TFAP2D: variants seen among roughly 807,000 people sequenced by gnomAD.
The protein encoded by TFAP2D is transcription factor AP-2-delta.
Under a neutral mutation model 43.6 loss-of-function variants are expected in TFAP2D, and 9 were observed. The observed-to-expected ratio is 0.21, with a 90% confidence interval of 0.12 to 0.36. The LOEUF (loss-of-function observed/expected upper bound fraction) is 0.36, where lower values mean the gene tolerates loss of function less well. Among genes scored for constraint, TFAP2D ranks in the 10% least tolerant of loss-of-function variants. The pLI is 1.00. For missense variants in TFAP2D, 513 were observed against 561.4 expected, an observed-to-expected ratio of 0.91 and a Z score of 0.87; for synonymous variants, 256 against 224.9, an observed-to-expected ratio of 1.14 and a Z score of -1.24.
At chr6:50,722,136 G>T (rs1313401741) in intron 3 of TFAP2D, among the ~76,000 whole-genome samples, 1 of 152,176 alleles carries the variant, frequency 6.6e-6, no homozygotes, top group African/African-American at 2.4e-5. Context: ...CAGCAGCTAG[G>T]TAATTACCAC....
Position 50,715,482 on chromosome 6 carries a change from T to C in TFAP2D, c.406T>C (p.Cys136Arg), listed in dbSNP as rs1429539152. The stretch of plus-strand genomic sequence containing the variant: ...GGACGAGCAGAGGCGGGAGCTGGGC[T>C]GCCTCGATGCCTACCGCCGCCATGA... ...CLDEQRRELG[C>R]LDAYRRHDLS... Residue 136 changes from cysteine to arginine, a missense_variant, in exon 2 of 8, where the codon TGC (cysteine) becomes CGC (arginine). Coordinates refer to ENST00000008391, the MANE Select transcript of TFAP2D (RefSeq NM_172238.4). The C allele has an allele frequency of 6.2e-7, 1 of 1,613,906 alleles. No individual in the cohort carries two copies. Among genetic ancestry groups the C allele is most frequent in the Admixed American group, 1.7e-5 (1 of 60,028 alleles).
chr6:50,750,777 A>C (rs769200179), intron 6 of TFAP2D, among the ~76,000 whole-genome samples: 58 of 152,184 alleles, frequency 3.8e-4, no homozygotes, highest in Non-Finnish European at 6.9e-4. Context: ...ATATTGGGAA[A>C]AAAGGATTTT....
chr6:50,714,598 T>C (rs78460443), intron 1 of TFAP2D, among the ~76,000 whole-genome samples: 4,067 of 152,218 alleles, frequency 0.027, 74 homozygotes, highest in Middle Eastern at 0.044. Flanking sequence ...TTTTAAAATA[T>C]ATGGACAATG....
chr6:50,719,482 A>AAAGAAAGAAAGAAAGAAAGG (rs1561930973), intron 3 of TFAP2D, among the ~76,000 whole-genome samples: 3 of 138,320 alleles, frequency 2.2e-5, no homozygotes, highest in African/African-American at 7.5e-5. Context: ...AGAAAGAAAG[A>AAAGAAAGAAAGAAAGAAAGG]AAGAAAGAAA....
intron 3 of TFAP2D, among the ~76,000 whole-genome samples, chr6:50,720,198 G>A (rs909905389): frequency 1.3e-5 from 2 of 152,082 alleles, no homozygotes; most frequent in Admixed American, 6.6e-5. Context: ...TCTTCTGATG[G>A]GACCAAATAA....
At chr6:50,769,503 A>G (rs1315927289) in intron 7 of TFAP2D, among the ~76,000 whole-genome samples, 1 of 152,232 alleles carries the variant, frequency 6.6e-6, no homozygotes, top group South Asian at 2.1e-4. Context: ...ATACCAGCTT[A>G]AGAGGAATCT....
rs1190190578 is a variant in TFAP2D at position 50,720,536 on chromosome 6, CACAT to C, written c.598+1388_598+1391del. 5.0e-3 allele frequency among the ~76,000 whole-genome samples: 662 copies of C among 132,804 alleles called. 4 individuals are homozygous for C. Among genetic ancestry groups the C allele is most frequent in the African/African-American group, 0.018 (618 of 35,024 alleles). The allele number at this position is 132,804 out of a possible 152,430, so 87.1% of individuals were successfully genotyped here. ...ACACACACACACACACACACACACA[CACAT>C]ATACGTGGTATAACTCCACAAAGAT... On this transcript the variant is annotated intron_variant, in intron 3 of 7. Coordinates refer to ENST00000008391, the MANE Select transcript of TFAP2D (RefSeq NM_172238.4).
intron 3 of TFAP2D, among the ~76,000 whole-genome samples, chr6:50,728,641 C>T (rs556198171): frequency 1.3e-5 from 2 of 152,314 alleles, no homozygotes; most frequent in African/African-American, 4.8e-5. Context: ...CAATTGTACA[C>T]TCACAGACAT....
intron 5 of TFAP2D, among the ~76,000 whole-genome samples, chr6:50,731,961 TGATCCA>T (rs1768901091): frequency 1.3e-5 from 2 of 152,190 alleles, no homozygotes; most frequent in East Asian, 3.9e-4. Flanking sequence ...TTTGGCAACT[TGATCCA>T]ACATGGGTCT....
chr6:50,718,946 G>T, intron 2 of TFAP2D, 144 bp from the exon 3 acceptor site: 1 of 737,004 alleles, frequency 1.4e-6, no homozygotes, highest in Non-Finnish European at 2.2e-6. Context: ...TGTGTTTGCT[G>T]GCAAGCTTGC....
chr6:50,765,994 A>G (rs759879297), intron 7 of TFAP2D, among the ~76,000 whole-genome samples: 1 of 152,142 alleles, frequency 6.6e-6, no homozygotes, highest in Non-Finnish European at 1.5e-5. Context: ...TTGGTCTTTT[A>G]TTATGTTTCA....
intron 7 of TFAP2D, among the ~76,000 whole-genome samples, chr6:50,766,851 G>C (rs1362037143): frequency 6.6e-6 from 1 of 151,404 alleles, no homozygotes; most frequent in Admixed American, 6.6e-5. Flanking sequence ...TGTATTTTTA[G>C]TAGAGATGGG....
intron 6 of TFAP2D, among the ~76,000 whole-genome samples, 186 bp from the exon 7 acceptor site, chr6:50,751,025 C>T (rs529045063): frequency 7.2e-4 from 109 of 151,952 alleles, no homozygotes; most frequent in African/African-American, 2.5e-3. Flanking sequence ...ATCCTATAGC[C>T]GTTGAGAGCA....
At chr6:50,744,733 T>A (rs1769100130) in intron 5 of TFAP2D, among the ~76,000 whole-genome samples, 1 of 152,158 alleles carries the variant, frequency 6.6e-6, no homozygotes, top group Non-Finnish European at 1.5e-5. Context: ...GGTTGTAGGC[T>A]CAGCAGCCAC....
rs927280602 is a variant in TFAP2D, at chr6:50,755,021, G to A, written c.1139+3697G>A. Among the ~76,000 whole-genome samples, 11 of 151,908 alleles carry A rather than the reference G, an allele frequency of 7.2e-5. No individual in the cohort carries two copies. In the South Asian group the frequency reaches 8.3e-4, roughly 11 times the overall value. The stretch of plus-strand genomic sequence containing the variant: ...CCTGTGCTTTTGGTGTCAAATCCAG[G>A]AAATCTTTGTTAAATACAATGCAGT... On this transcript the variant is annotated intron_variant, in intron 7 of 7. Transcript: ENST00000008391.
chr6:50,755,293 T>C (rs1375011784), intron 7 of TFAP2D, among the ~76,000 whole-genome samples: 1 of 151,994 alleles, frequency 6.6e-6, no homozygotes, highest in Non-Finnish European at 1.5e-5. Flanking sequence ...TGCACATTTA[T>C]TTAAAAAGGC....
At chr6:50,719,353 A>G (rs553852701) in intron 3 of TFAP2D, among the ~76,000 whole-genome samples, 26 of 152,268 alleles carry the variant, frequency 1.7e-4, no homozygotes, top group Non-Finnish European at 3.2e-4. Context: ...GGCTATGCCC[A>G]TAAGACTTGT....
intron 5 of TFAP2D, among the ~76,000 whole-genome samples, chr6:50,736,080 G>A (rs1768960048): frequency 6.6e-6 from 1 of 152,148 alleles, no homozygotes; most frequent in Non-Finnish European, 1.5e-5. Context: ...TATGAAACTT[G>A]AGCAACTCAT....
chr6:50,733,711 A>G (rs977535609), intron 5 of TFAP2D, among the ~76,000 whole-genome samples: 1 of 152,102 alleles, frequency 6.6e-6, no homozygotes, highest in African/African-American at 2.4e-5. Flanking sequence ...CAAGGAGTCA[A>G]TGACCTTGTC....
Sources: gnomAD v4.1 joint callset for allele counts (sites outside exome capture counted in the v4.1 genomes callset) on GRCh38, gnomAD v4.1.1 for gene constraint, MANE v1.5 for transcripts, NCBI Gene and HGNC (gene_info 2026-07-23, HGNC 2026-07-21) for gene names.